PASK: variants seen among roughly 807,000 people sequenced by gnomAD.
PASK encodes the protein PAS domain-containing serine/threonine-protein kinase.
A neutral mutation model predicts 121.0 loss-of-function variants in PASK; 110 were observed. The observed-to-expected ratio is 0.91, with a 90% CI of 0.78 to 1.06. PASK has a LOEUF of 1.06. Ranked by LOEUF, PASK falls within the 50% of genes least tolerant of loss-of-function variation. The pLI, the probability that PASK is intolerant of heterozygous loss-of-function variation, is 0.00. For missense variants in PASK, 1,643 were observed against 1,702.3 expected, an observed-to-expected ratio of 0.97 and a Z score of 0.61; for synonymous variants, 686 against 717.8, an observed-to-expected ratio of 0.96 and a Z score of 0.71.
chr2:241,113,491 T>C (rs1490797916), intron 14 of PASK: 3 of 154,422 alleles, frequency 1.9e-5, no homozygotes, highest in East Asian at 3.8e-4. Flanking sequence ...CACGTGTGCA[T>C]ACCTATACAC....
intron 8 of PASK, chr2:241,134,456 T>C (rs2066311858): frequency 6.6e-6 from 1 of 152,204 alleles, no homozygotes; most frequent in African/African-American, 2.4e-5. Context: ...ACAATCCAGC[T>C]TCTAATGCCC....
chr2:241,108,447 C>G lies in PASK; in HGVS notation c.3534-147G>C. 1.3e-6 allele frequency: 1 copy of G among 788,428 alleles called. No homozygotes were observed. The highest frequency in any genetic ancestry group is 2.1e-6 in the Non-Finnish European group (1 of 466,932). 48.8% of individuals were successfully genotyped at this position (788,428 alleles called of 1,614,324 possible). A position where few individuals can be genotyped will look rare whatever the true frequency, so the allele number is the denominator to read the frequency against. On this transcript the variant is annotated intron_variant, in intron 15 of 17. Coordinates refer to ENST00000234040, the MANE Select transcript of PASK (RefSeq NM_015148.4). This position sits in a 1 kb window ranked among gnomAD's most constrained non-coding sequence, Gnocchi z 5.2. ...GGAGGGTCACTCCACCCCTCAAACA[C>G]GCCCTCCATTTCCACGCACTTCTGC...
rs376955947 is a variant in PASK, at chr2:241,115,795, T to C, written c.3073-382A>G. Among the ~76,000 whole-genome samples the C allele has an allele frequency of 2.6e-4, 33 of 126,066 alleles. No individual in the cohort carries two copies. The East Asian group carries it at 4.4e-3, about 17-fold the overall frequency. 82.7% of individuals were successfully genotyped at this position (126,066 alleles called of 152,430 possible). ...ATCCCATTACGCCAGGGCCACCCGG[T>C]CCCCAAGCATCCCGTTACACCAGGG... On this transcript the variant is annotated intron_variant, in intron 12 of 17. Coordinates refer to ENST00000234040, the MANE Select transcript of PASK (RefSeq NM_015148.4).
intron 9 of PASK, among the ~76,000 whole-genome samples, 159 bp downstream of exon 9, chr2:241,132,715 G>A (rs1173018352): frequency 1.3e-5 from 2 of 152,134 alleles, no homozygotes; most frequent in African/African-American, 4.8e-5. Flanking sequence ...AGAAAACCCA[G>A]CAGTCAGTGT....
At chr2:241,149,985 G>T (rs1383245357), upstream of PASK, 4 of 1,418,390 alleles carry the variant, frequency 2.8e-6, no homozygotes, top group East Asian at 7.9e-5. Flanking sequence ...GGGACGCCGG[G>T]AGAATGTTGT....
intron 8 of PASK, 88 bp from the exon 9 acceptor site, chr2:241,133,118 G>A: frequency 7.6e-7 from 1 of 1,321,576 alleles, no homozygotes; most frequent in Non-Finnish European, 1.1e-6. Flanking sequence ...CACTGAGACT[G>A]CTTCACAGCA....
rs1340644090 is a variant in PASK at position 241,116,014 on chromosome 2, GC to G, written c.3073-602del. ...ACCAGGGGCCACCATCGGTCCTCAA[GC>G]ATCCCATTACGCCAGGGCCACCCAG... On this transcript the variant is annotated intron_variant, in intron 12 of 17. Coordinates refer to ENST00000234040, the MANE Select transcript of PASK (RefSeq NM_015148.4). 7.2e-4 allele frequency among the ~76,000 whole-genome samples: 92 copies of G among 127,002 alleles called. 5 individuals carry two copies. The highest frequency in any genetic ancestry group is 4.4e-3 in the Middle Eastern group (1 of 226). 83.3% of individuals were successfully genotyped at this position (127,002 alleles called of 152,430 possible). A position where few individuals can be genotyped will look rare whatever the true frequency, so the allele number is the denominator to read the frequency against.
At chr2:241,118,845 C>A in intron 12 of PASK, 1 of 780,304 alleles carries the variant, frequency 1.3e-6, no homozygotes, top group Non-Finnish European at 1.6e-6. Flanking sequence ...CACCCCGCAC[C>A]CGGTGGAGGC....
chr2:241,145,675 G>C (rs548175039), intron 1 of PASK: 1 of 151,326 alleles, frequency 6.6e-6, no homozygotes, highest in Non-Finnish European at 1.5e-5. Flanking sequence ...AAGAGATCAA[G>C]ACCATCCTGA....
At chr2:241,125,857 C>T (rs2065833805) in intron 10 of PASK, among the ~76,000 whole-genome samples, 1 of 152,078 alleles carries the variant, frequency 6.6e-6, no homozygotes, top group African/African-American at 2.4e-5. Flanking sequence ...CAGACTCTAG[C>T]GTGACACCCC....
Position 241,122,892 on chromosome 2 carries a change from C to T in PASK, c.2912G>A (p.Arg971Lys). ...LTGPSLVEVL[R>K]ARPWFEEPPK... Reference sequence around the variant, plus strand: ...GGGCTCCTCAAACCAGGGTCTGGCTCTGAGCACCTGCAATGCAGAAGAAGG... The same window carrying T: ...GGGCTCCTCAAACCAGGGTCTGGCTTTGAGCACCTGCAATGCAGAAGAAGG... The change falls in exon 12 of 18, where the codon AGA becomes AAA. Residue 971 changes from arginine to lysine, a missense_variant. By Grantham distance (26) the Arg-to-Lys change is conservative (BLOSUM62 2). Around this residue, in one of 3 missense-constraint regions of PASK, gnomAD observed 453 missense variants for 511.2 expected, o/e 0.89. Coordinates refer to ENST00000234040, the MANE Select transcript of PASK (RefSeq NM_015148.4). 20 of 1,613,974 alleles carry T rather than the reference C, an allele frequency of 1.2e-5. No homozygotes were observed. Among genetic ancestry groups the T allele is most frequent in the African/African-American group, 1.3e-5 (1 of 75,058 alleles).
In PASK at chr2:241,132,865, G is replaced by C. The variant is rs11684830; in HGVS notation, c.1463+9C>G. The C allele has an allele frequency of 3.1e-6, 5 of 1,611,912 alleles. No homozygotes were observed. Among genetic ancestry groups the C allele is most frequent in the Non-Finnish European group, 4.2e-6 (5 of 1,178,162 alleles). ...TAGTAAACCTGCAACCTCCCACCAA[G>C]GGACTTACCCTGGAGCAGGCTGAGG... On this transcript the variant is annotated intron_variant, in intron 9 of 17. Coordinates refer to ENST00000234040, the MANE Select transcript of PASK (RefSeq NM_015148.4).
intron 6 of PASK, among the ~76,000 whole-genome samples, chr2:241,137,666 T>C (rs2066503264): frequency 6.6e-6 from 1 of 152,176 alleles, no homozygotes; most frequent in African/African-American, 2.4e-5. Context: ...GCTGCGCAGC[T>C]GTGGATGTTA....
intron 7 of PASK, 114 bp from the exon 8 acceptor site, chr2:241,136,153 T>G: frequency 1.0e-6 from 1 of 978,798 alleles, no homozygotes; most frequent in East Asian, 2.4e-5. Flanking sequence ...GGGTTCACCC[T>G]TAAGGTCAGG....
intron 12 of PASK, among the ~76,000 whole-genome samples, chr2:241,116,240 T>C (rs2065364198): frequency 6.6e-6 from 1 of 152,166 alleles, no homozygotes; most frequent in Middle Eastern, 3.2e-3. Flanking sequence ...TCCCCTGCAT[T>C]TACCTCCCCT....
intron 8 of PASK, chr2:241,133,452 G>A: frequency 3.3e-6 from 1 of 299,068 alleles, no homozygotes; most frequent in South Asian, 3.2e-5. Flanking sequence ...CAGAAATGCT[G>A]TACCTGGGTA....
At chr2:241,141,218 T>G (rs2066684175) in intron 2 of PASK, among the ~76,000 whole-genome samples, 1 of 152,132 alleles carries the variant, frequency 6.6e-6, no homozygotes, top group African/African-American at 2.4e-5. Flanking sequence ...GCCCAGGAGT[T>G]TGAGACTGCA....
rs752912802 is a variant in PASK at position 241,136,043 on chromosome 2, G to C, written c.1138-4C>G. On this transcript the variant is annotated splice_polypyrimidine_tract_variant and splice_region_variant and intron_variant, in intron 7 of 17. Coordinates refer to ENST00000234040, the MANE Select transcript of PASK (RefSeq NM_015148.4). ...CAGGAATCAGGAAAGTGATATTCTA[G>C]AAAACAAAGCAGGGACATTTCAGAA... 7 of 1,613,506 alleles carry C rather than the reference G, an allele frequency of 4.3e-6. No homozygotes were observed. The highest frequency in any genetic ancestry group is 2.7e-5 in the African/African-American group (2 of 75,034).
rs574357911 is a variant in PASK at position 241,144,833 on chromosome 2, T to C, written c.-42-1759A>G. On this transcript the variant is annotated intron_variant, in intron 1 of 17. Transcript: ENST00000234040. ...CCTAGCATCTGGTGGCTACTGGCCA[T>C]ACTGGCCATCTTTGGTGTTCTTGAC... Among the ~76,000 whole-genome samples, 26 of 152,350 alleles carry C rather than the reference T, an allele frequency of 1.7e-4. 1 individual carries two copies. The highest frequency in any genetic ancestry group is 3.4e-3 in the Middle Eastern group (1 of 294).
Sources: gnomAD v4.1 joint callset for allele counts (sites outside exome capture counted in the v4.1 genomes callset) on GRCh38, gnomAD v4.1.1 for gene constraint, gnomAD v4.1.1 regional missense constraint, Gnocchi (gnomAD v3.1) non-coding constraint, MANE v1.5 for transcripts, NCBI Gene and HGNC (gene_info 2026-07-23, HGNC 2026-07-21) for gene names.